MYLK3: variants seen among roughly 807,000 people sequenced by gnomAD.
MYLK3 encodes the protein myosin light chain kinase 3, also known as MLC kinase.
A neutral mutation model predicts 76.3 loss-of-function variants in MYLK3; 55 were observed. The observed-to-expected ratio is 0.72, with a 90% CI of 0.58 to 0.90. MYLK3 has a LOEUF of 0.90. Among genes scored for constraint, MYLK3 ranks in the 40% least tolerant of loss-of-function variants. The pLI is 0.00. For missense variants in MYLK3, 973 were observed against 1,053.6 expected, an observed-to-expected ratio of 0.92 and a Z score of 1.06; for synonymous variants, 416 against 425.4, an observed-to-expected ratio of 0.98 and a Z score of 0.27.
At chr16:46,739,857 G>C (rs1377923507) in intron 2 of MYLK3, among the ~76,000 whole-genome samples, 200 bp downstream of exon 2, 2 of 152,140 alleles carry the variant, frequency 1.3e-5, no homozygotes, top group East Asian at 1.9e-4. Flanking sequence ...AGGGTCAACT[G>C]TATTCCAGGT....
chr16:46,711,004 T>C, intron 10 of MYLK3: 1 of 581,124 alleles, frequency 1.7e-6, no homozygotes, highest in Non-Finnish European at 3.0e-6. Flanking sequence ...AAGAAGAATT[T>C]TTGGAATAAG....
intron 9 of MYLK3, among the ~76,000 whole-genome samples, chr16:46,717,321 G>A (rs1455603778): frequency 6.6e-6 from 1 of 152,202 alleles, no homozygotes; most frequent in African/African-American, 2.4e-5. Context: ...TTGCTGTGGT[G>A]TGAGAGCAGA....
In MYLK3 at chr16:46,712,781, G is replaced by A; in HGVS notation, c.1986-5C>T. The stretch of plus-strand genomic sequence containing the variant: ...AGCTTCTCTCGAGGCTTGTACCTGG[G>A]GAGAAGGGGAGGGTACAAAGAAGCA... On this transcript the variant is annotated splice_region_variant and splice_polypyrimidine_tract_variant and intron_variant, in intron 9 of 12. Transcript: ENST00000394809. The A allele has an allele frequency of 6.3e-7, 1 of 1,584,530 alleles. No homozygotes were observed. The highest frequency in any genetic ancestry group is 8.6e-7 in the Non-Finnish European group (1 of 1,166,200).
At chr16:46,731,445 A>AG (rs1476996806) in intron 4 of MYLK3, among the ~76,000 whole-genome samples, 1 of 152,250 alleles carries the variant, frequency 6.6e-6, no homozygotes, top group African/African-American at 2.4e-5. Context: ...ACACACAGCA[A>AG]GTGCAGTGGT....
In MYLK3 at chr16:46,732,398, A is replaced by G. The variant is rs1372997627; in HGVS notation, c.1272T>C (p.Pro424=). 2 of 1,613,528 alleles carry G rather than the reference A, an allele frequency of 1.2e-6. No homozygotes were observed. Among genetic ancestry groups the G allele is most frequent in the Non-Finnish European group, 1.7e-6 (2 of 1,180,004 alleles). ...TCCTGGCCAAGCTTGGTCTCGTGCCAGGCTCGGCCCCAGCCCTTTGCTCCT... is the reference window on the plus strand; with the variant it reads ...TCCTGGCCAAGCTTGGTCTCGTGCCGGGCTCGGCCCCAGCCCTTTGCTCCT... ...AEEEQRAGAE[P]GTRPSLARSD... Residue 424 remains proline, a synonymous_variant, in exon 4 of 13, where the codon CCT becomes CCC. Transcript: ENST00000394809.
At chr16:46,725,040 A>G (rs1030285466) in intron 8 of MYLK3, among the ~76,000 whole-genome samples, 7 of 151,864 alleles carry the variant, frequency 4.6e-5, no homozygotes, top group Non-Finnish European at 8.8e-5. Flanking sequence ...TTCTAAGTGT[A>G]TTTTTTCTTT....
chr16:46,743,149 G>A lies in MYLK3; in HGVS notation c.478-3002C>T, dbSNP rs116539473. Among the ~76,000 whole-genome samples the A allele has an allele frequency of 7.6e-3, 1,161 of 152,268 alleles. 15 individuals carry two copies. Among genetic ancestry groups the A allele is most frequent in the African/African-American group, 0.026 (1,100 of 41,558 alleles). On this transcript the variant is annotated intron_variant, in intron 1 of 12. Coordinates refer to ENST00000394809, the MANE Select transcript of MYLK3 (RefSeq NM_182493.3). ...GGTGCCTCTGAACACATATGCCTGG[G>A]GCTGTTTTCCAGGAGACCGCACCTG... is the stretch of plus-strand genomic sequence containing the variant.
chr16:46,734,285 A>G (rs568058477), intron 3 of MYLK3, among the ~76,000 whole-genome samples: 12 of 152,326 alleles, frequency 7.9e-5, no homozygotes, highest in African/African-American at 2.4e-4. Context: ...GACCCTGAGG[A>G]CACTGTGCTC....
At position 46,709,678 on chromosome 16, in the gene MYLK3, A is replaced by C. The variant is rs762679405; in HGVS notation, c.2268-7T>G. ...TGTGGCACTCATTCTGCAGCTGTGAAATCAAAGAGCAGTTAAGACTTTTAG... is the reference window on the plus strand; with the variant it reads ...TGTGGCACTCATTCTGCAGCTGTGACATCAAAGAGCAGTTAAGACTTTTAG... On this transcript the variant is annotated splice_region_variant and splice_polypyrimidine_tract_variant and intron_variant, in intron 11 of 12. Coordinates refer to ENST00000394809, the MANE Select transcript of MYLK3 (RefSeq NM_182493.3). 1.9e-5 allele frequency: 31 copies of C among 1,609,058 alleles called. 1 individual carries two copies. The South Asian group carries it at 3.5e-4, about 18-fold the overall frequency.
rs1596766526 is a variant in MYLK3, at chr16:46,737,932, A to G, written c.780T>C (p.Thr260=). Residue 260 remains threonine (T), a synonymous_variant, in exon 3 of 13, where the codon ACT becomes ACC. Transcript: ENST00000394809. ...APETPSENLR[T]GLELAPAPGR... is the part of the protein sequence containing the mutation. ...CGGGTGCTGGAGCCAATTCCAGGCC[A>G]GTCCTGAGGTTCTCGCTGGGTGTCT... 20 of 1,614,176 alleles carry G rather than the reference A, an allele frequency of 1.2e-5. No homozygotes were observed. The highest frequency in any genetic ancestry group is 1.6e-5 in the Non-Finnish European group (19 of 1,180,018).
At chr16:46,744,063 C>CTCGCTG (rs1267598726) in intron 1 of MYLK3, among the ~76,000 whole-genome samples, 3 of 152,118 alleles carry the variant, frequency 2.0e-5, no homozygotes, top group African/African-American at 7.2e-5. Flanking sequence ...GAGATGGAGT[C>CTCGCTG]TCGCTGTCAC....
At position 46,740,096 on chromosome 16, in the gene MYLK3, T is replaced by C. The variant is rs1567289763; in HGVS notation, c.529A>G (p.Thr177Ala). 1 of 1,613,760 alleles carries C rather than the reference T, an allele frequency of 6.2e-7. No individual in the cohort carries two copies. Among genetic ancestry groups the C allele is most frequent in the Admixed American group, 1.7e-5 (1 of 60,002 alleles). Reference protein sequence around the residue: ...EGGKPKHVLSTSGVQSDAREP... With the variant: ...EGGKPKHVLSASGVQSDAREP... Reference sequence around the variant, plus strand: ...CTGGCATCAGACTGCACCCCACTGGTGCTCAGCACATGCTTTGGTTTTCCT... The same window carrying C: ...CTGGCATCAGACTGCACCCCACTGGCGCTCAGCACATGCTTTGGTTTTCCT... The change falls in exon 2 of 13, where the codon ACC becomes GCC. Residue 177 changes from threonine to alanine, a missense_variant. Physicochemically the swap from Thr to Ala is moderately conservative, Grantham distance 58. This residue lies in a region of MYLK3 where 641 missense variants were observed against 637.0 expected (regional missense o/e 1.01). Transcript: ENST00000394809.
intron 6 of MYLK3, 119 bp downstream of exon 6, chr16:46,729,475 T>C (rs1481546975): frequency 1.1e-6 from 1 of 945,100 alleles, no homozygotes. Context: ...GGGTGGGAAT[T>C]CTGGAAAAGA....
intron 9 of MYLK3, among the ~76,000 whole-genome samples, chr16:46,717,849 G>A (rs780828694): frequency 3.9e-5 from 6 of 152,292 alleles, no homozygotes; most frequent in Non-Finnish European, 7.3e-5. Context: ...CCTGCCAACC[G>A]CTCAGAAAAG....
At chr16:46,729,951 A>T (rs1966849169) in intron 5 of MYLK3, 2 of 562,072 alleles carry the variant, frequency 3.6e-6, no homozygotes, top group Non-Finnish European at 6.4e-6. Context: ...ACCCGAAGGA[A>T]CATCCCCTTC....
rs1384852650 is a variant in MYLK3, at chr16:46,706,658, CAT to C, written c.*1044_*1045del. 1 of 152,168 alleles carries C rather than the reference CAT, an allele frequency of 6.6e-6. No individual in the cohort carries two copies. The highest frequency in any genetic ancestry group is 2.4e-5 in the African/African-American group (1 of 41,430). The allele number at this position is 152,168 out of a possible 1,614,324, so 9.4% of individuals were successfully genotyped here. On this transcript the variant is annotated 3_prime_UTR_variant, in exon 13 of 13. Coordinates refer to ENST00000394809, the MANE Select transcript of MYLK3 (RefSeq NM_182493.3). ...GTTACTAAAATCATAAGGAGGAAAA[CAT>C]ATGTTTACTATTCATTAAGTGAAAG...
In MYLK3 at chr16:46,705,943, C is replaced by T; in HGVS notation, c.*1761G>A. The T allele has an allele frequency of 6.5e-6, 1 of 152,950 alleles. No homozygotes were observed. Among genetic ancestry groups the T allele is most frequent in the Non-Finnish European group, 1.5e-5 (1 of 68,832 alleles). 9.5% of individuals were successfully genotyped at this position (152,950 alleles called of 1,614,324 possible). On this transcript the variant is annotated 3_prime_UTR_variant, in exon 13 of 13. Coordinates refer to ENST00000394809, the MANE Select transcript of MYLK3 (RefSeq NM_182493.3). ...CCAAGATCACACCACTGCACTGCAG[C>T]CTGGGCAACAGAGTGAGACCCTGTC...
chr16:46,737,950 G>A lies in MYLK3; in HGVS notation c.762C>T (p.Pro254=). 6.2e-7 allele frequency: 1 copy of A among 1,614,190 alleles called. No homozygotes were observed. Among genetic ancestry groups the A allele is most frequent in the Non-Finnish European group, 8.5e-7 (1 of 1,180,030 alleles). ...TKVEAKAPET[P]SENLRTGLEL... is the part of the protein sequence containing the mutation. ...CCAGGCCAGTCCTGAGGTTCTCGCT[G>A]GGTGTCTCAGGAGCCTTGGCTTCCA... The change falls in exon 3 of 13, where the codon CCC becomes CCT. Residue 254 remains proline, a synonymous_variant. Transcript: ENST00000394809.
intron 3 of MYLK3, among the ~76,000 whole-genome samples, chr16:46,736,413 A>C (rs1395930108): frequency 6.6e-6 from 1 of 152,226 alleles, no homozygotes; most frequent in African/African-American, 2.4e-5. Context: ...AAGGGCAGGT[A>C]GTGATCTCCT....
Sources: gnomAD v4.1 joint callset for allele counts (sites outside exome capture counted in the v4.1 genomes callset) on GRCh38, gnomAD v4.1.1 for gene constraint, gnomAD v4.1.1 regional missense constraint, MANE v1.5 for transcripts, NCBI Gene and HGNC (gene_info 2026-07-23, HGNC 2026-07-21) for gene names.